Variants in RALGAPA2 observed in about 807,000 individuals in gnomAD.
RALGAPA2 encodes ral GTPase-activating protein subunit alpha-2.
In RALGAPA2, 139 loss-of-function variants were observed where a neutral mutation model predicts 230.4. The ratio of observed to expected loss-of-function variants is 0.60; its 90% CI spans 0.53 to 0.69. RALGAPA2 has a LOEUF of 0.69. Among genes scored for constraint, RALGAPA2 ranks in the 30% least tolerant of loss-of-function variants. The pLI, the probability that RALGAPA2 is intolerant of heterozygous loss-of-function variation, is 0.00. For synonymous variants in RALGAPA2, 847 were observed against 837.8 expected (o/e 1.01, Z -0.19); for missense variants, 2,163 against 2,276.0 (o/e 0.95, Z 1.01).
intron 23 of RALGAPA2, among the ~76,000 whole-genome samples, chr20:20,556,369 G>C (rs1356770261): frequency 6.6e-6 from 1 of 152,190 alleles, no homozygotes; most frequent in African/African-American, 2.4e-5. Flanking sequence ...GACTGACAGG[G>C]AGATGGCAAA....
intron 16 of RALGAPA2, among the ~76,000 whole-genome samples, chr20:20,598,254 A>C (rs2065523051): frequency 6.6e-6 from 1 of 152,206 alleles, no homozygotes; most frequent in South Asian, 2.1e-4. Context: ...ATTAACTCCA[A>C]GTAGATCCCG....
chr20:20,681,190 GGGTT>G (rs2068507920), intron 1 of RALGAPA2, among the ~76,000 whole-genome samples: 1 of 152,122 alleles, frequency 6.6e-6, no homozygotes, highest in Admixed American at 6.5e-5. Flanking sequence ...GAAGAGGGAT[GGGTT>G]TGTACCTCTG....
chr20:20,418,375 G>A (rs1369067902), intron 37 of RALGAPA2, among the ~76,000 whole-genome samples: 1 of 152,180 alleles, frequency 6.6e-6, no homozygotes, highest in Non-Finnish European at 1.5e-5. Context: ...GGTCACAGGA[G>A]CCCCAAGAAC....
chr20:20,586,530 C>T (rs1411140467), intron 18 of RALGAPA2, among the ~76,000 whole-genome samples: 1 of 152,154 alleles, frequency 6.6e-6, no homozygotes, highest in East Asian at 1.9e-4. Context: ...AGATTTAGAT[C>T]CCCCAAGGAT....
chr20:20,613,836 A>G (rs1384793202), intron 13 of RALGAPA2, among the ~76,000 whole-genome samples: 1 of 152,164 alleles, frequency 6.6e-6, no homozygotes, highest in East Asian at 1.9e-4. Context: ...CAGCTGACGG[A>G]AAAAACTCCC....
chr20:20,652,785 T>C (rs1162909025), intron 4 of RALGAPA2, among the ~76,000 whole-genome samples: 5 of 152,206 alleles, frequency 3.3e-5, no homozygotes, highest in Admixed American at 3.3e-4. Context: ...GGTTAAAAGC[T>C]GGACAGAAAA....
In RALGAPA2 at chr20:20,664,374, A is replaced by T. The variant is rs148333345; in HGVS notation, c.271-10787T>A. 3.5e-3 allele frequency among the ~76,000 whole-genome samples: 528 copies of T among 152,278 alleles called. 5 individuals carry two copies. The highest frequency in any genetic ancestry group is 0.012 in the African/African-American group (498 of 41,546). ...GGTCTAATCTCTTTTTAAAGAAAAA[A>T]ATCACACTGCACCGGACTCCTCATT... On this transcript the variant is annotated intron_variant, in intron 3 of 39. Transcript: ENST00000202677.
intron 36 of RALGAPA2, among the ~76,000 whole-genome samples, chr20:20,485,742 C>T (rs377592136): frequency 2.0e-3 from 308 of 152,310 alleles, no homozygotes; most frequent in African/African-American, 6.7e-3. Context: ...TCCCTCCTAT[C>T]CTTATAACAT....
At chr20:20,501,338 C>A (rs1452401801) in intron 35 of RALGAPA2, among the ~76,000 whole-genome samples, 1 of 152,256 alleles carries the variant, frequency 6.6e-6, no homozygotes, top group Non-Finnish European at 1.5e-5. Context: ...TTAGTTAGAT[C>A]TTCCAGATAA....
chr20:20,640,875 T>G lies in RALGAPA2; in HGVS notation c.376A>C (p.Arg126=), dbSNP rs372862728. The change falls in exon 6 of 40, where the codon AGA becomes CGA. Residue 126 remains arginine, a synonymous_variant. Transcript: ENST00000202677. ...LLHTGNSIKI[R]CEGIRLFLLW... Reference sequence around the variant, plus strand: ...AGAAACAGCCTGATTCCTTCACATCTTATCTAAAACAAAATTAAAAACAAT... The same window carrying G: ...AGAAACAGCCTGATTCCTTCACATCGTATCTAAAACAAAATTAAAAACAAT... The G allele has an allele frequency of 1.9e-6, 3 of 1,605,864 alleles. No homozygotes were observed. The highest frequency in any genetic ancestry group is 2.6e-6 in the Non-Finnish European group (3 of 1,174,108).
chr20:20,474,423 G>T (rs2061605885), intron 36 of RALGAPA2, among the ~76,000 whole-genome samples: 1 of 152,148 alleles, frequency 6.6e-6, no homozygotes, highest in Non-Finnish European at 1.5e-5. Context: ...AGGGAAGCAG[G>T]GGATATGATC....
intron 32 of RALGAPA2, among the ~76,000 whole-genome samples, chr20:20,512,240 TACACACACACAC>T (rs370439645): frequency 1.6e-4 from 22 of 138,352 alleles, no homozygotes; most frequent in South Asian, 2.4e-4. Flanking sequence ...CACACACACA[TACACACACACAC>T]ACACACACAC....
intron 38 of RALGAPA2, among the ~76,000 whole-genome samples, chr20:20,400,078 T>C (rs1476939319): frequency 6.6e-6 from 1 of 152,052 alleles, no homozygotes; most frequent in Non-Finnish European, 1.5e-5. Flanking sequence ...GAGTGGGAGA[T>C]CAGAGAGCTG....
intron 2 of RALGAPA2, among the ~76,000 whole-genome samples, chr20:20,678,834 C>T (rs1430526878): frequency 6.6e-6 from 1 of 152,122 alleles, no homozygotes; most frequent in Admixed American, 6.5e-5. Context: ...TCACCTAGAA[C>T]CTTTCTCTCC....
chr20:20,629,332 C>CA (rs992750906), intron 10 of RALGAPA2, 31 bp downstream of exon 10: 40 of 1,159,144 alleles, frequency 3.5e-5, no homozygotes, highest in Admixed American at 1.5e-4. Flanking sequence ...CACACACACA[C>CA]ACACACACAC....
chr20:20,701,652 C>T (rs764941786), intron 1 of RALGAPA2, among the ~76,000 whole-genome samples: 1 of 152,018 alleles, frequency 6.6e-6, no homozygotes, highest in Non-Finnish European at 1.5e-5. Flanking sequence ...ATTGCTAGAA[C>T]GGGGGAGGTG....
At chr20:20,634,629 G>A (rs1045742459) in intron 9 of RALGAPA2, among the ~76,000 whole-genome samples, 7 of 152,238 alleles carry the variant, frequency 4.6e-5, no homozygotes, top group South Asian at 2.1e-4. Flanking sequence ...GGCCTAGGTC[G>A]GAGTTCTGAG....
chr20:20,536,729 G>T lies in RALGAPA2; in HGVS notation c.3341C>A (p.Thr1114Asn). ...VLGSLVCFPN[T>N]YQEIPLLQSV... is the part of the protein sequence containing the mutation. ...CTGCAGTAAAGGAATCTCCTGGTAG[G>T]TATTTGGAAAGCAGACCAGAGAGCC... Residue 1114 changes from threonine to asparagine, a missense_variant, in exon 25 of 40, where the codon ACC becomes AAC. Transcript: ENST00000202677. The T allele has an allele frequency of 6.2e-7, 1 of 1,613,082 alleles. No individual in the cohort carries two copies. The highest frequency in any genetic ancestry group is 8.5e-7 in the Non-Finnish European group (1 of 1,179,254).
At chr20:20,566,996 T>C (rs1011725654) in intron 23 of RALGAPA2, among the ~76,000 whole-genome samples, 5 of 152,254 alleles carry the variant, frequency 3.3e-5, no homozygotes, top group Admixed American at 2.0e-4. Context: ...CCAAAATGTC[T>C]ATATGCATAT....
Sources: allele counts gnomAD v4.1 joint callset (sites outside exome capture counted in the v4.1 genomes callset), GRCh38; gene constraint gnomAD v4.1.1; transcripts MANE v1.5; gene names NCBI Gene and HGNC (gene_info 2026-07-23, HGNC 2026-07-21).